Variants in LRRN2 observed in about 807,000 individuals in gnomAD.
The protein encoded by LRRN2 is leucine rich repeat neuronal 2.
In LRRN2, 10 loss-of-function variants were observed where a neutral mutation model predicts 35.7. The observed-to-expected ratio is 0.28, with a 90% CI of 0.17 to 0.47. LRRN2 has a LOEUF of 0.47. Ranked by LOEUF, LRRN2 falls within the 20% of genes least tolerant of loss-of-function variation. The pLI is 0.99. For missense variants in LRRN2, 731 were observed against 940.3 expected, an observed-to-expected ratio of 0.78 and a Z score of 2.91; for synonymous variants, 391 against 409.6, an observed-to-expected ratio of 0.95 and a Z score of 0.55.
chr1:204,659,773 T>C (rs1181611355), intron 1 of LRRN2, among the ~76,000 whole-genome samples: 1 of 152,182 alleles, frequency 6.6e-6, no homozygotes, highest in East Asian at 1.9e-4. Context: ...GTAAGTGCCT[T>C]ATAAGTGTTT....
intron 1 of LRRN2, chr1:204,620,981 C>T (rs546098322): frequency 6.0e-6 from 1 of 166,936 alleles, no homozygotes; most frequent in Non-Finnish European, 1.5e-5. Context: ...CTTCTAAAAT[C>T]TGGGATGGGC....
chr1:204,635,275 G>A, intron 1 of LRRN2, among the ~76,000 whole-genome samples: 1 of 152,092 alleles, frequency 6.6e-6, no homozygotes, highest in East Asian at 1.9e-4. Flanking sequence ...GTATTTTCCA[G>A]CATTATTCTC....
At chr1:204,643,710 C>T (rs1366587451) in intron 1 of LRRN2, among the ~76,000 whole-genome samples, 1 of 152,028 alleles carries the variant, frequency 6.6e-6, no homozygotes, top group Non-Finnish European at 1.5e-5. Context: ...TTCCCTGTCA[C>T]CCTGGTGACA....
chr1:204,643,283 G>A (rs1324929016), intron 1 of LRRN2, among the ~76,000 whole-genome samples: 1 of 152,216 alleles, frequency 6.6e-6, no homozygotes, highest in Non-Finnish European at 1.5e-5. Flanking sequence ...GAAGTCCTCA[G>A]TTGGACTGCA....
chr1:204,661,845 G>A (rs931123252), intron 1 of LRRN2, among the ~76,000 whole-genome samples: 1 of 152,224 alleles, frequency 6.6e-6, no homozygotes, highest in Non-Finnish European at 1.5e-5. Context: ...CCAGGACAGA[G>A]AGTGGATCTT....
At chr1:204,645,504 C>A (rs564905265) in intron 1 of LRRN2, among the ~76,000 whole-genome samples, 1 of 152,140 alleles carries the variant, frequency 6.6e-6, no homozygotes. Flanking sequence ...TTTAGGTCGA[C>A]AAGGCACTTT....
In LRRN2 at chr1:204,619,804, G is replaced by A. The variant is rs199503004; in HGVS notation, c.189C>T (p.Val63=). 3 of 1,614,072 alleles carry A rather than the reference G, an allele frequency of 1.9e-6. No homozygotes were observed. The highest frequency in any genetic ancestry group is 2.2e-5 in the East Asian group (1 of 44,876). ...GTGTGCCTGCGGGGAGTGCCGGGGG[G>A]ACTGCCGTCAGGAATAGGTCATTGC... ...VDCNDLFLTA[V]PPALPAGTQT... The change falls in exon 2 of 2, where the codon GTC becomes GTT. Residue 63 remains valine (V), a synonymous_variant. Coordinates refer to ENST00000367177, the MANE Select transcript of LRRN2 (RefSeq NM_201630.2).
At chr1:204,662,865 T>C (rs1043004748) in intron 1 of LRRN2, among the ~76,000 whole-genome samples, 1 of 152,264 alleles carries the variant, frequency 6.6e-6, no homozygotes, top group East Asian at 1.9e-4. Context: ...CCTGGTTTCA[T>C]GATCACTAGA....
chr1:204,654,393 G>A (rs1340637109), intron 1 of LRRN2, among the ~76,000 whole-genome samples: 1 of 152,200 alleles, frequency 6.6e-6, no homozygotes, highest in African/African-American at 2.4e-5. Context: ...TGTCCCAACG[G>A]TGGCCTATTT....
intron 1 of LRRN2, among the ~76,000 whole-genome samples, chr1:204,653,332 C>G (rs1397429375): frequency 6.6e-6 from 1 of 152,196 alleles, no homozygotes; most frequent in East Asian, 1.9e-4. Context: ...GGTTGGGAAA[C>G]CGTGAAGGAA....
chr1:204,653,351 CTGAT>C (rs2102611367), intron 1 of LRRN2, among the ~76,000 whole-genome samples: 1 of 152,312 alleles, frequency 6.6e-6, no homozygotes, highest in South Asian at 2.1e-4. Context: ...AAGCCTGAGG[CTGAT>C]TGCCTTCTTG....
chr1:204,626,113 C>G (rs549865049), intron 1 of LRRN2, among the ~76,000 whole-genome samples: 2 of 152,222 alleles, frequency 1.3e-5, no homozygotes, highest in East Asian at 1.9e-4. Flanking sequence ...TCCCCTGGGT[C>G]ACTCTACTCG....
chr1:204,621,779 G>C (rs944849285), intron 1 of LRRN2: 1 of 167,094 alleles, frequency 6.0e-6, no homozygotes, highest in Admixed American at 6.5e-5. Context: ...AAACAAAAAG[G>C]GGCCAGACTG....
intron 1 of LRRN2, among the ~76,000 whole-genome samples, chr1:204,632,959 A>AT (rs550179131): frequency 8.5e-4 from 129 of 152,118 alleles, no homozygotes; most frequent in African/African-American, 2.9e-3. Context: ...ATTCTTCTGT[A>AT]TTCACAATCC....
intron 1 of LRRN2, among the ~76,000 whole-genome samples, chr1:204,665,622 C>T (rs1668562102): frequency 6.6e-6 from 1 of 152,214 alleles, no homozygotes; most frequent in Non-Finnish European, 1.5e-5. Context: ...CCTGGAGACC[C>T]CACTTATCTC....
intron 1 of LRRN2, among the ~76,000 whole-genome samples, chr1:204,624,656 C>T (rs373956129): frequency 1.3e-5 from 2 of 152,128 alleles, no homozygotes; most frequent in Admixed American, 6.5e-5. Context: ...CTCAGGCCCC[C>T]GGCCCCAGCA....
chr1:204,630,995 T>C (rs1310704761), intron 1 of LRRN2, among the ~76,000 whole-genome samples: 2 of 151,716 alleles, frequency 1.3e-5, no homozygotes, highest in Non-Finnish European at 2.9e-5. Flanking sequence ...GAGCAGCGGT[T>C]CTCATACTGT....
At position 204,652,287 on chromosome 1, in the gene LRRN2, C is replaced by T. The variant is rs182191613; in HGVS notation, c.-226-32069G>A. On this transcript the variant is annotated intron_variant, in intron 1 of 1. Coordinates refer to ENST00000367177, the MANE Select transcript of LRRN2 (RefSeq NM_201630.2). ...CCCCCCCCCGCCCCCCCGCCGCCTT[C>T]CTCCTTGCCTCCCTGAACCACAGCT... 5.4e-3 allele frequency among the ~76,000 whole-genome samples: 695 copies of T among 127,878 alleles called. 14 individuals carry two copies. The highest frequency in any genetic ancestry group is 0.019 in the African/African-American group (639 of 33,488). The allele number at this position is 127,878 out of a possible 152,430, so 83.9% of individuals were successfully genotyped here. A position where few individuals can be genotyped will look rare whatever the true frequency, so the allele number is the denominator to read the frequency against.
intron 1 of LRRN2, chr1:204,620,999 G>A (rs1238656209): frequency 6.0e-6 from 1 of 166,992 alleles, no homozygotes; most frequent in African/African-American, 2.4e-5. Context: ...GGCTCCCCAG[G>A]ACCCTAGAGG....
Sources: gnomAD v4.1 joint callset for allele counts (sites outside exome capture counted in the v4.1 genomes callset) on GRCh38, gnomAD v4.1.1 for gene constraint, MANE v1.5 for transcripts, NCBI Gene and HGNC (gene_info 2026-07-23, HGNC 2026-07-21) for gene names.